The following TTC7B variants were observed in gnomAD, a reference collection of about 807,000 sequenced individuals.
TTC7B encodes the protein tetratricopeptide repeat domain 7B.
Under a neutral mutation model 106.8 loss-of-function variants are expected in TTC7B, and 28 were observed. The observed-to-expected ratio is 0.26, with a 90% CI of 0.19 to 0.36. TTC7B has a LOEUF of 0.36. Ranked by LOEUF, TTC7B falls within the 10% of genes least tolerant of loss-of-function variation. TTC7B has a pLI of 1.00. For missense variants in TTC7B, 862 were observed against 1,076.4 expected (o/e 0.80, Z 2.79); for synonymous variants, 405 against 430.6 (o/e 0.94, Z 0.74).
chr14:90,589,941 C>T (rs1891885429), intron 18 of TTC7B, among the ~76,000 whole-genome samples: 1 of 152,156 alleles, frequency 6.6e-6, no homozygotes, highest in South Asian at 2.1e-4. Flanking sequence ...TACTCTGTAG[C>T]TGTGACAAAG....
intron 4 of TTC7B, among the ~76,000 whole-genome samples, chr14:90,743,512 C>CATAGGATTT (rs1455186457): frequency 1.3e-5 from 2 of 152,190 alleles, no homozygotes; most frequent in African/African-American, 4.8e-5. Flanking sequence ...TTCAAAGTCT[C>CATAGGATTT]ATAGGATTTC....
At chr14:90,697,479 G>A (rs1887801926) in intron 5 of TTC7B, 2 of 152,150 alleles carry the variant, frequency 1.3e-5, no homozygotes, top group Admixed American at 1.3e-4. Flanking sequence ...AACTCTAGAG[G>A]AAGGAACAAA....
chr14:90,609,215 G>A (rs1435821935), intron 17 of TTC7B, among the ~76,000 whole-genome samples: 1 of 152,202 alleles, frequency 6.6e-6, no homozygotes, highest in Non-Finnish European at 1.5e-5. Context: ...TTTGGAGAGT[G>A]GTCAGGCCAC....
intron 5 of TTC7B, among the ~76,000 whole-genome samples, chr14:90,720,239 C>T (rs1433518366): frequency 6.6e-6 from 1 of 152,096 alleles, no homozygotes; most frequent in Non-Finnish European, 1.5e-5. Flanking sequence ...GTCACTTCCT[C>T]AGGAAAACCC....
At chr14:90,688,961 G>A (rs1287346599) in intron 7 of TTC7B, among the ~76,000 whole-genome samples, 1 of 152,096 alleles carries the variant, frequency 6.6e-6, no homozygotes, top group Non-Finnish European at 1.5e-5. Context: ...CTGGCCTGGG[G>A]AAGGCTCATG....
chr14:90,690,878 G>A lies in TTC7B; in HGVS notation c.778-1166C>T, dbSNP rs539327308. ...AATCCAACCAAATCACTAACAGAGT[G>A]GTTTCTGATAACCACTGGGTAAAGG... On this transcript the variant is annotated intron_variant, in intron 6 of 19. Transcript: ENST00000328459. Among the ~76,000 whole-genome samples, 10 of 152,266 alleles carry A rather than the reference G, an allele frequency of 6.6e-5. 1 individual carries two copies. In the South Asian group the frequency reaches 1.9e-3, roughly 28 times the overall value.
intron 18 of TTC7B, among the ~76,000 whole-genome samples, chr14:90,588,578 A>G (rs1486716843): frequency 6.6e-6 from 1 of 152,148 alleles, no homozygotes; most frequent in African/African-American, 2.4e-5. Context: ...GCTCCTGAGG[A>G]ACCATGTCTT....
Position 90,544,765 on chromosome 14 carries a change from C to G in TTC7B, c.2311-3176G>C, listed in dbSNP as rs748329847. The stretch of plus-strand genomic sequence containing the variant: ...GCCTGGAGAGATTATGGCAGGAGCT[C>G]GTCACACGCCTTCCTGGCATGGCTT... On this transcript the variant is annotated intron_variant, in intron 19 of 19. Coordinates refer to ENST00000328459, the MANE Select transcript of TTC7B (RefSeq NM_001010854.2). 7.2e-5 allele frequency among the ~76,000 whole-genome samples: 11 copies of G among 152,212 alleles called. No individual in the cohort carries two copies. The South Asian group carries it at 1.7e-3, about 23-fold the overall frequency.
chr14:90,561,292 A>G (rs1032210282), intron 19 of TTC7B, among the ~76,000 whole-genome samples: 50 of 152,222 alleles, frequency 3.3e-4, no homozygotes, highest in African/African-American at 1.1e-3. Context: ...GGATCTAATC[A>G]AGACTGAACT....
chr14:90,655,392 T>G (rs1363892993), intron 11 of TTC7B, among the ~76,000 whole-genome samples: 2 of 152,242 alleles, frequency 1.3e-5, no homozygotes, highest in African/African-American at 4.8e-5. Context: ...TTTTCATCTT[T>G]ATTTTTTACT....
chr14:90,707,285 T>C (rs1888249617), intron 5 of TTC7B, among the ~76,000 whole-genome samples: 3 of 152,200 alleles, frequency 2.0e-5, no homozygotes, highest in Non-Finnish European at 4.4e-5. Flanking sequence ...TCAATAAATG[T>C]TGTATATGTG....
intron 7 of TTC7B, among the ~76,000 whole-genome samples, chr14:90,686,265 G>A (rs1887248081): frequency 6.6e-6 from 1 of 152,072 alleles, no homozygotes; most frequent in African/African-American, 2.4e-5. Flanking sequence ...AAAAGCAGTT[G>A]ACAAAATTCA....
intron 4 of TTC7B, among the ~76,000 whole-genome samples, chr14:90,736,790 G>C (rs1211080756): frequency 6.6e-6 from 1 of 151,222 alleles, no homozygotes; most frequent in Non-Finnish European, 1.5e-5. Context: ...GGCTGGGGCA[G>C]GAGGGACAGG....
chr14:90,768,461 T>C (rs1890759010), intron 3 of TTC7B, among the ~76,000 whole-genome samples: 1 of 152,138 alleles, frequency 6.6e-6, no homozygotes, highest in African/African-American at 2.4e-5. Flanking sequence ...GGGAAAACCG[T>C]ACCCATGAAC....
At position 90,624,668 on chromosome 14, in the gene TTC7B, G is replaced by A. The variant is rs1185532210; in HGVS notation, c.1752-6623C>T. 6.6e-6 allele frequency among the ~76,000 whole-genome samples: 1 copy of A among 152,214 alleles called. No homozygotes were observed. Among genetic ancestry groups the A allele is most frequent in the African/African-American group, 2.4e-5 (1 of 41,460 alleles). ...TAGAGAAGTTCAGAGAAATACTAAA[G>A]TAATAATTCCCTCCCATCTTCTGTG... On this transcript the variant is annotated intron_variant, in intron 15 of 19. Coordinates refer to ENST00000328459, the MANE Select transcript of TTC7B (RefSeq NM_001010854.2). This position sits in a 1 kb window ranked among gnomAD's most constrained non-coding sequence, Gnocchi z 4.0.
intron 9 of TTC7B, among the ~76,000 whole-genome samples, chr14:90,666,033 TCTTA>T (rs1401691584): frequency 6.6e-6 from 1 of 152,230 alleles, no homozygotes; most frequent in Non-Finnish European, 1.5e-5. Flanking sequence ...CTGATCCCAT[TCTTA>T]CTTTACAGAT....
At position 90,676,589 on chromosome 14, in the gene TTC7B, T is replaced by C; in HGVS notation, c.1086A>G (p.Ala362=). The C allele has an allele frequency of 6.2e-7, 1 of 1,614,162 alleles. No individual in the cohort carries two copies. The highest frequency in any genetic ancestry group is 8.5e-7 in the Non-Finnish European group (1 of 1,180,006). The change falls in exon 9 of 20, where the codon GCA becomes GCG. Residue 362 remains alanine, a synonymous_variant. Transcript: ENST00000328459. ...TGGTGAGTAAGTCATAGACCACAGA[T>C]GCACTCTGCAGACTGATGAGGCGGT... is the stretch of plus-strand genomic sequence containing the variant. The part of the protein sequence containing the change: ...KSDRLISLQS[A]SVVYDLLTIA...
intron 9 of TTC7B, among the ~76,000 whole-genome samples, chr14:90,673,426 CAAAA>C (rs2139919996): frequency 6.6e-6 from 1 of 151,978 alleles, no homozygotes; most frequent in South Asian, 2.1e-4. Context: ...GAAAACAAAA[CAAAA>C]AGAGAAAAAA....
At chr14:90,732,287 C>A (rs1702499453) in intron 4 of TTC7B, among the ~76,000 whole-genome samples, 1 of 152,186 alleles carries the variant, frequency 6.6e-6, no homozygotes, top group Non-Finnish European at 1.5e-5. Flanking sequence ...ATTTCTACTA[C>A]CATTACATCA....
Sources: allele counts gnomAD v4.1 joint callset (sites outside exome capture counted in the v4.1 genomes callset), GRCh38; gene constraint gnomAD v4.1.1; non-coding constraint Gnocchi (gnomAD v3.1); transcripts MANE v1.5; gene names NCBI Gene and HGNC (gene_info 2026-07-23, HGNC 2026-07-21).